MSL2: variants seen among roughly 807,000 people sequenced by gnomAD.
MSL2 encodes the protein E3 ubiquitin-protein ligase MSL2.
Under a neutral mutation model 35.8 loss-of-function variants are expected in MSL2, and 2 were observed. The observed-to-expected ratio is 0.06, with a 90% CI of 0.02 to 0.18. The LOEUF is 0.18. Among genes scored for constraint, MSL2 ranks in the 10% least tolerant of loss-of-function variants. MSL2 has a pLI of 1.00. For synonymous variants in MSL2, 296 were observed against 255.7 expected (o/e 1.16, Z -1.50); for missense variants, 523 against 706.7 (o/e 0.74, Z 2.95).
In MSL2 at chr3:136,184,215, G is replaced by A. The variant is rs550014768; in HGVS notation, c.142+10757C>T. Among the ~76,000 whole-genome samples, 24 of 152,250 alleles carry A rather than the reference G, an allele frequency of 1.6e-4. No individual in the cohort carries two copies. The East Asian group carries it at 3.9e-3, about 25-fold the overall frequency. On this transcript the variant is annotated intron_variant, in intron 1 of 1. Transcript: ENST00000309993. ...GGAGGCTGAGGCAGGAGAATTGCTC[G>A]AACCCGGGAGGCGGAGGGTGCAGTG...
At chr3:136,153,011 T>A in intron 1 of MSL2, 1 of 985,422 alleles carries the variant, frequency 1.0e-6, no homozygotes, top group Middle Eastern at 5.2e-4. Flanking sequence ...CACCTTCTTA[T>A]CCTCTTCCTC....
At chr3:136,153,757 T>A (rs1022999226) in intron 1 of MSL2, among the ~76,000 whole-genome samples, 1 of 144,464 alleles carries the variant, frequency 6.9e-6, no homozygotes, top group South Asian at 2.2e-4. Context: ...ACCACTGCAA[T>A]CCAGCCTAAG....
intron 1 of MSL2, among the ~76,000 whole-genome samples, chr3:136,163,156 G>A (rs1287508059): frequency 6.6e-6 from 1 of 152,146 alleles, no homozygotes; most frequent in African/African-American, 2.4e-5. Context: ...CTACTCGGAA[G>A]GCTACGGCAG....
intron 1 of MSL2, among the ~76,000 whole-genome samples, chr3:136,160,212 G>GT (rs1491400084): frequency 1.1e-4 from 16 of 147,692 alleles, no homozygotes; most frequent in South Asian, 6.5e-4. Flanking sequence ...AGAAGCAGAG[G>GT]TTGCAGTGAG....
intron 1 of MSL2, among the ~76,000 whole-genome samples, chr3:136,163,917 G>C (rs150823919): frequency 3.3e-5 from 5 of 152,178 alleles, no homozygotes; most frequent in African/African-American, 1.2e-4. Context: ...AAGTTCCTGA[G>C]GCCTCCCCAG....
intron 1 of MSL2, among the ~76,000 whole-genome samples, chr3:136,158,367 C>T (rs1018769889): frequency 6.9e-6 from 1 of 145,954 alleles, no homozygotes; most frequent in African/African-American, 2.5e-5. Context: ...ATAAACATGA[C>T]AAAATCCATA....
chr3:136,183,805 T>C (rs1189110682), intron 1 of MSL2, among the ~76,000 whole-genome samples: 1 of 152,174 alleles, frequency 6.6e-6, no homozygotes, highest in African/African-American at 2.4e-5. Context: ...ACTCAATAAC[T>C]GACAAAACTA....
At chr3:136,157,535 A>G (rs1576356500) in intron 1 of MSL2, among the ~76,000 whole-genome samples, 2 of 152,270 alleles carry the variant, frequency 1.3e-5, no homozygotes, top group South Asian at 2.1e-4. Context: ...AATACAGATT[A>G]GGGCAGAAAC....
At chr3:136,166,581 A>C (rs1939861202) in intron 1 of MSL2, among the ~76,000 whole-genome samples, 1 of 152,196 alleles carries the variant, frequency 6.6e-6, no homozygotes, top group Admixed American at 6.5e-5. Context: ...ACTAGAACCT[A>C]GATTGACTGG....
chr3:136,156,087 A>C (rs957298530), intron 1 of MSL2: 3 of 266,640 alleles, frequency 1.1e-5, no homozygotes, highest in African/African-American at 6.7e-5. Flanking sequence ...GAAATCAGCT[A>C]TATCTCCACT....
At chr3:136,175,738 T>A (rs919479486) in intron 1 of MSL2, among the ~76,000 whole-genome samples, 4 of 152,200 alleles carry the variant, frequency 2.6e-5, no homozygotes, top group Non-Finnish European at 5.9e-5. Flanking sequence ...AACCGTTTCA[T>A]AATCAATTTA....
At chr3:136,156,450 T>A (rs1442010587) in intron 1 of MSL2, among the ~76,000 whole-genome samples, 1 of 152,206 alleles carries the variant, frequency 6.6e-6, no homozygotes, top group Non-Finnish European at 1.5e-5. Flanking sequence ...CAAGTTTCCA[T>A]CATCTACAGA....
intron 1 of MSL2, among the ~76,000 whole-genome samples, chr3:136,162,630 G>A (rs891256922): frequency 6.6e-6 from 1 of 152,116 alleles, no homozygotes; most frequent in African/African-American, 2.4e-5. Flanking sequence ...AGAACAAAGT[G>A]AAATAGGAAA....
At chr3:136,167,079 A>G (rs1421102629) in intron 1 of MSL2, among the ~76,000 whole-genome samples, 1 of 152,210 alleles carries the variant, frequency 6.6e-6, no homozygotes, top group Non-Finnish European at 1.5e-5. Flanking sequence ...AAAATATATA[A>G]AACTGATAAT....
rs1939339144 is a variant in MSL2 at position 136,150,842 on chromosome 3, A to T, written c.*305T>A. On this transcript the variant is annotated 3_prime_UTR_variant, in exon 2 of 2. Transcript: ENST00000309993. The stretch of plus-strand genomic sequence containing the variant: ...CATAAACTTTGATTATGCACAAAGC[A>T]TGGCCATAAACAATGAGGTTAATGT... 3.5e-6 allele frequency: 1 copy of T among 283,154 alleles called. No individual in the cohort carries two copies. The highest frequency in any genetic ancestry group is 2.1e-5 in the African/African-American group (1 of 47,388). The allele number at this position is 283,154 out of a possible 1,614,324, so 17.5% of individuals were successfully genotyped here.
intron 1 of MSL2, among the ~76,000 whole-genome samples, chr3:136,164,235 C>A (rs562780441): frequency 1.3e-5 from 2 of 152,142 alleles, no homozygotes; most frequent in African/African-American, 2.4e-5. Flanking sequence ...CAGGAATAAT[C>A]CAGCTAATAT....
chr3:136,186,322 G>A (rs907865653), intron 1 of MSL2, among the ~76,000 whole-genome samples: 1 of 152,166 alleles, frequency 6.6e-6, no homozygotes, highest in Non-Finnish European at 1.5e-5. Flanking sequence ...AGATACTGAA[G>A]TCCTTGATAT....
intron 1 of MSL2, among the ~76,000 whole-genome samples, chr3:136,158,000 C>G (rs1001802505): frequency 6.6e-6 from 1 of 152,154 alleles, no homozygotes; most frequent in African/African-American, 2.4e-5. Context: ...TGAAAGAAAA[C>G]AAGGCCACCA....
Position 136,150,234 on chromosome 3 carries a change from A to T in MSL2, c.*913T>A, listed in dbSNP as rs1939313004. On this transcript the variant is annotated 3_prime_UTR_variant, in exon 2 of 2. Coordinates refer to ENST00000309993, the MANE Select transcript of MSL2 (RefSeq NM_018133.4). ...TCAAAATAAAGACTGTGGCAAATAAACTATTAGAGAAAATAAGTCAAAGTG... is the reference window on the plus strand; with the variant it reads ...TCAAAATAAAGACTGTGGCAAATAATCTATTAGAGAAAATAAGTCAAAGTG... 6.6e-6 allele frequency: 1 copy of T among 152,330 alleles called. No homozygotes were observed. Among genetic ancestry groups the T allele is most frequent in the Admixed American group, 6.5e-5 (1 of 15,282 alleles). 9.4% of individuals were successfully genotyped at this position (152,330 alleles called of 1,614,324 possible). A position where few individuals can be genotyped will look rare whatever the true frequency, so the allele number is the denominator to read the frequency against.
Sources: allele counts gnomAD v4.1 joint callset (sites outside exome capture counted in the v4.1 genomes callset), GRCh38; gene constraint gnomAD v4.1.1; transcripts MANE v1.5; gene names NCBI Gene and HGNC (gene_info 2026-07-23, HGNC 2026-07-21).